The following CALD1 variants were observed in gnomAD, a reference collection of about 807,000 sequenced individuals.
CALD1 encodes caldesmon.
In CALD1, 33 loss-of-function variants were observed where a neutral mutation model predicts 99.9. The observed-to-expected ratio is 0.33, with a 90% CI of 0.25 to 0.44. The LOEUF (loss-of-function observed/expected upper bound fraction) is 0.44. CALD1 is among the 20% of genes least tolerant of loss of function. The pLI, the probability that CALD1 is intolerant of heterozygous loss-of-function variation, is 1.00. For missense variants in CALD1, 861 were observed against 962.1 expected, an observed-to-expected ratio of 0.89 and a Z score of 1.39; for synonymous variants, 310 against 325.0, an observed-to-expected ratio of 0.95 and a Z score of 0.50.
At chr7:134,930,813 A>T (rs893382494) in intron 4 of CALD1, among the ~76,000 whole-genome samples, 3 of 152,356 alleles carry the variant, frequency 2.0e-5, no homozygotes, top group Admixed American at 1.3e-4. Flanking sequence ...GTAAGCACTC[A>T]ATAAATTTTC....
intron 3 of CALD1, among the ~76,000 whole-genome samples, chr7:134,878,143 T>C (rs1486633846): frequency 6.6e-6 from 1 of 152,060 alleles, no homozygotes; most frequent in Non-Finnish European, 1.5e-5. Flanking sequence ...TGAAATGAGA[T>C]CATACGAATT....
At chr7:134,781,372 G>T (rs1797097033) in intron 1 of CALD1, among the ~76,000 whole-genome samples, 1 of 152,120 alleles carries the variant, frequency 6.6e-6, no homozygotes, top group African/African-American at 2.4e-5. Flanking sequence ...ACTGTGCTAT[G>T]ACCACTCTCT....
chr7:134,853,186 G>C (rs1800150785), intron 2 of CALD1, among the ~76,000 whole-genome samples: 1 of 152,084 alleles, frequency 6.6e-6, no homozygotes, highest in African/African-American at 2.4e-5. Context: ...GACTTATGTA[G>C]GACCTGAAGT....
At position 134,789,486 on chromosome 7, in the gene CALD1, C is replaced by T. The variant is rs778411448; in HGVS notation, c.-130+9737C>T. Among the ~76,000 whole-genome samples the T allele has an allele frequency of 4.7e-4, 72 of 152,304 alleles. 2 individuals are homozygous for T. Among genetic ancestry groups the T allele is most frequent in the Admixed American group, 7.2e-4 (11 of 15,298 alleles). ...ACTTGAGTTTGAATCTCAAATTTAC[C>T]ACTTTTTTCACTTACAAAATGGGGA... On this transcript the variant is annotated intron_variant, in intron 1 of 14. Coordinates refer to ENST00000361675, the MANE Select transcript of CALD1 (RefSeq NM_033138.4).
rs571684749 is a variant in CALD1, at chr7:134,965,337, G to A, written c.2327G>A (p.Arg776Gln). The A allele has an allele frequency of 3.1e-6, 5 of 1,594,976 alleles. No individual in the cohort carries two copies. Among genetic ancestry groups the A allele is most frequent in the Admixed American group, 1.7e-5 (1 of 59,986 alleles). Residue 776 changes from arginine (R) to glutamine (Q), a missense_variant, in exon 14 of 15, where the codon CGG (arginine) becomes CAG (glutamine). Around this residue, in one of 5 missense-constraint regions of CALD1, gnomAD observed 190 missense variants for 249.0 expected, o/e 0.76. Transcript: ENST00000361675. The part of the protein sequence containing the change: ...DLRPGDVSSK[R>Q]NLWEKQSVDK... ...AGACCAGGAGACGTATCCAGCAAGC[G>A]GAACCTCTGGGAAAAGCAATCTGTG...
chr7:134,847,236 TTTC>T (rs1317342842), intron 2 of CALD1, among the ~76,000 whole-genome samples: 1 of 152,162 alleles, frequency 6.6e-6, no homozygotes, highest in Non-Finnish European at 1.5e-5. Context: ...GGGTTTTTAT[TTTC>T]TTCTTCTTTT....
chr7:134,767,222 T>C (rs376694314), intron 1 of CALD1, among the ~76,000 whole-genome samples: 1 of 146,320 alleles, frequency 6.8e-6, no homozygotes, highest in Non-Finnish European at 1.5e-5. Flanking sequence ...TGTGTGTGTG[T>C]GTGCGTGTGT....
intron 3 of CALD1, among the ~76,000 whole-genome samples, chr7:134,909,607 G>A (rs560711001): frequency 9.9e-5 from 15 of 152,250 alleles, no homozygotes; most frequent in African/African-American, 2.9e-4. Context: ...TGCCTGAACC[G>A]GTGAGGTGGA....
intron 9 of CALD1, among the ~76,000 whole-genome samples, chr7:134,954,038 C>T (rs1026917169): frequency 8.9e-4 from 136 of 152,004 alleles, no homozygotes; most frequent in African/African-American, 3.2e-3. Context: ...CTATTGATAC[C>T]CTTGGCCCTG....
At chr7:134,941,344 G>C (rs574204752) in intron 7 of CALD1, 107 bp downstream of exon 7, 234 of 882,230 alleles carry the variant, frequency 2.7e-4, no homozygotes, top group Non-Finnish European at 3.7e-4. Flanking sequence ...TGCTAAGCAG[G>C]CAGCATGCTT....
In CALD1 at chr7:134,965,582, C is replaced by T. The variant is rs1052729583; in HGVS notation, c.2376+196C>T. On this transcript the variant is annotated intron_variant, in intron 14 of 14. Coordinates refer to ENST00000361675, the MANE Select transcript of CALD1 (RefSeq NM_033138.4). ...AAGTTTGTCAGTCATACAACATAAA[C>T]GGCCCAAATCCATGGAATGGTTCTC... is the stretch of plus-strand genomic sequence containing the variant. 1.1e-4 allele frequency: 55 copies of T among 493,438 alleles called. 1 individual carries two copies. Among genetic ancestry groups the T allele is most frequent in the South Asian group, 8.6e-4 (35 of 40,472 alleles). 30.6% of individuals were successfully genotyped at this position (493,438 alleles called of 1,614,324 possible).
intron 1 of CALD1, among the ~76,000 whole-genome samples, chr7:134,829,419 G>A (rs1444135534): frequency 6.6e-6 from 1 of 152,196 alleles, no homozygotes; most frequent in Non-Finnish European, 1.5e-5. Context: ...CAATTATTTA[G>A]TACTATTCCA....
intron 6 of CALD1, among the ~76,000 whole-genome samples, chr7:134,936,442 G>A (rs954532024): frequency 2.0e-5 from 3 of 152,150 alleles, no homozygotes; most frequent in Non-Finnish European, 4.4e-5. Context: ...CTCTCATGCT[G>A]TGTTTGCCCC....
At chr7:134,953,517 TC>T (rs1807524023) in intron 9 of CALD1, among the ~76,000 whole-genome samples, 1 of 147,854 alleles carries the variant, frequency 6.8e-6, no homozygotes, top group Non-Finnish European at 1.5e-5. Context: ...AAACTCCGTC[TC>T]AAAAAAAAAA....
At chr7:134,853,719 T>C (rs1327624510) in intron 2 of CALD1, among the ~76,000 whole-genome samples, 2 of 152,234 alleles carry the variant, frequency 1.3e-5, no homozygotes, top group African/African-American at 2.4e-5. Context: ...ATTTATTTAT[T>C]TTTATTATAC....
chr7:134,828,931 C>T (rs1390694277), intron 1 of CALD1, among the ~76,000 whole-genome samples: 1 of 152,152 alleles, frequency 6.6e-6, no homozygotes, highest in East Asian at 1.9e-4. Context: ...GTGCCAAGCT[C>T]TTAATTAGGA....
chr7:134,916,554 T>G (rs1233102649), intron 3 of CALD1, among the ~76,000 whole-genome samples: 2 of 152,224 alleles, frequency 1.3e-5, no homozygotes, highest in Non-Finnish European at 2.9e-5. Flanking sequence ...CTAGAGAGGA[T>G]GCTGAGAATT....
intron 1 of CALD1, among the ~76,000 whole-genome samples, chr7:134,811,714 C>T (rs1347878488): frequency 6.6e-6 from 1 of 152,038 alleles, no homozygotes; most frequent in Non-Finnish European, 1.5e-5. Flanking sequence ...TTTAATGTTT[C>T]CTAAACAAAT....
At chr7:134,901,798 C>T (rs1803017636) in intron 3 of CALD1, among the ~76,000 whole-genome samples, 1 of 152,042 alleles carries the variant, frequency 6.6e-6, no homozygotes, top group African/African-American at 2.4e-5. Flanking sequence ...CGGCATTCTC[C>T]CTATGTCTCT....
Sources: gnomAD v4.1 joint callset for allele counts (sites outside exome capture counted in the v4.1 genomes callset) on GRCh38, gnomAD v4.1.1 for gene constraint, gnomAD v4.1.1 regional missense constraint, MANE v1.5 for transcripts, NCBI Gene and HGNC (gene_info 2026-07-23, HGNC 2026-07-21) for gene names.